KCNT2: variants seen among roughly 807,000 people sequenced by gnomAD.
KCNT2 encodes the protein potassium sodium-activated channel subfamily T member 2.
Under a neutral mutation model 153.8 loss-of-function variants are expected in KCNT2, and 67 were observed. The observed-to-expected ratio is 0.44, with a 90% CI of 0.36 to 0.53. The LOEUF is 0.53. KCNT2 is among the 20% of genes least tolerant of loss of function. The probability of loss-of-function intolerance (pLI) is 0.00; values close to 1 mark genes in which losing one functional copy is unlikely to be tolerated. For synonymous variants in KCNT2, 500 were observed against 458.8 expected (o/e 1.09, Z -1.15); for missense variants, 975 against 1,354.8 (o/e 0.72, Z 4.40).
chr1:196,420,934 A>G (rs912188420), intron 12 of KCNT2, among the ~76,000 whole-genome samples: 1 of 152,074 alleles, frequency 6.6e-6, no homozygotes, highest in Non-Finnish European at 1.5e-5. Flanking sequence ...AGGGGTTCAA[A>G]GAACCTACTT....
At chr1:196,546,062 A>G (rs1426464708) in intron 1 of KCNT2, among the ~76,000 whole-genome samples, 1 of 152,012 alleles carries the variant, frequency 6.6e-6, no homozygotes, top group Non-Finnish European at 1.5e-5. Flanking sequence ...CATATAGTAA[A>G]TCTATGTATA....
intron 1 of KCNT2, among the ~76,000 whole-genome samples, chr1:196,519,436 A>G (rs189980929): frequency 2.4e-4 from 37 of 152,300 alleles, no homozygotes; most frequent in Non-Finnish European, 4.3e-4. Context: ...GACAAGAAGT[A>G]ATCAAAATCA....
intron 14 of KCNT2, among the ~76,000 whole-genome samples, chr1:196,350,515 G>C (rs1023039072): frequency 2.0e-5 from 3 of 152,088 alleles, no homozygotes; most frequent in African/African-American, 7.2e-5. Flanking sequence ...CTTTTGAGAA[G>C]TGTCTGTTCA....
At chr1:196,482,928 T>C (rs1323962797) in intron 3 of KCNT2, among the ~76,000 whole-genome samples, 1 of 152,122 alleles carries the variant, frequency 6.6e-6, no homozygotes, top group Non-Finnish European at 1.5e-5. Flanking sequence ...AAAAATGATA[T>C]ATTTTCTGAT....
chr1:196,374,125 T>C (rs74136530), intron 13 of KCNT2, among the ~76,000 whole-genome samples: 3,077 of 151,932 alleles, frequency 0.02, 89 homozygotes, highest in African/African-American at 0.07. Context: ...TTTTCCCAAA[T>C]AAACAAGTAT....
At chr1:196,348,910 G>A (rs1211012626) in intron 14 of KCNT2, among the ~76,000 whole-genome samples, 1 of 152,038 alleles carries the variant, frequency 6.6e-6, no homozygotes, top group African/African-American at 2.4e-5. Context: ...GGGCGTGGTG[G>A]TGCATGCCTG....
intron 7 of KCNT2, among the ~76,000 whole-genome samples, 193 bp downstream of exon 7, chr1:196,467,510 T>G (rs1332204410): frequency 6.6e-6 from 1 of 152,052 alleles, no homozygotes; most frequent in Non-Finnish European, 1.5e-5. Flanking sequence ...AAAAGATGTT[T>G]AAAAATGAAA....
intron 13 of KCNT2, among the ~76,000 whole-genome samples, chr1:196,380,961 A>T (rs946292634): frequency 6.6e-6 from 1 of 152,230 alleles, no homozygotes; most frequent in Non-Finnish European, 1.5e-5. Context: ...GAGGCATTCA[A>T]CCACTAAATG....
At chr1:196,394,358 A>G (rs1024499343) in intron 13 of KCNT2, among the ~76,000 whole-genome samples, 3 of 151,610 alleles carry the variant, frequency 2.0e-5, no homozygotes, top group African/African-American at 7.3e-5. Flanking sequence ...AATGGCGTAG[A>G]CTAGGGTTGT....
At chr1:196,509,959 TTAGCGCTAG>T (rs2148793957) in intron 1 of KCNT2, among the ~76,000 whole-genome samples, 1 of 152,230 alleles carries the variant, frequency 6.6e-6, no homozygotes, top group African/African-American at 2.4e-5. Context: ...AATCAAATGT[TTAGCGCTAG>T]TAGGAATTTG....
chr1:196,432,212 G>C (rs571952251), intron 8 of KCNT2, among the ~76,000 whole-genome samples: 1 of 152,158 alleles, frequency 6.6e-6, no homozygotes, highest in Non-Finnish European at 1.5e-5. Context: ...TGCGCAAAGA[G>C]CACAAGCTGT....
chr1:196,268,612 C>T (rs571370266), intron 25 of KCNT2, among the ~76,000 whole-genome samples: 60 of 152,222 alleles, frequency 3.9e-4, no homozygotes, highest in Non-Finnish European at 5.6e-4. Context: ...CTTTCAAGAT[C>T]CAATGCAACC....
chr1:196,384,388 A>G (rs1365895534), intron 13 of KCNT2, among the ~76,000 whole-genome samples: 1 of 152,134 alleles, frequency 6.6e-6, no homozygotes, highest in Non-Finnish European at 1.5e-5. Flanking sequence ...CCAGACCAAA[A>G]AAACCCAGAG....
At chr1:196,404,160 T>C (rs1200451528) in intron 12 of KCNT2, 10 of 980,090 alleles carry the variant, frequency 1.0e-5, no homozygotes, top group Non-Finnish European at 1.2e-5. Context: ...TCAAATCTTG[T>C]TGATTATGCC....
chr1:196,284,248 A>ATATATATATAT (rs1553271464), intron 23 of KCNT2, among the ~76,000 whole-genome samples: 1 of 10,050 alleles, frequency 1.0e-4, no homozygotes, highest in African/African-American at 1.4e-4. Context: ...AAAAAAAAAA[A>ATATATATATAT]ATATATATAT....
intron 18 of KCNT2, among the ~76,000 whole-genome samples, chr1:196,330,771 T>C (rs889027494): frequency 2.0e-5 from 3 of 152,014 alleles, no homozygotes; most frequent in Non-Finnish European, 4.4e-5. Flanking sequence ...ATGGACTTAC[T>C]CTTCCCATCA....
At chr1:196,492,418 A>C in intron 1 of KCNT2, 77 bp from the exon 2 acceptor site, 1 of 1,050,434 alleles carries the variant, frequency 9.5e-7, no homozygotes, top group Non-Finnish European at 1.2e-6. Context: ...AACAAATATA[A>C]ATTGATCTGT....
rs1653659867 is a variant in KCNT2 at position 196,228,419 on chromosome 1, T to G, written c.3297-84A>C. On this transcript the variant is annotated intron_variant, in intron 27 of 27. Coordinates refer to ENST00000294725, the MANE Select transcript of KCNT2 (RefSeq NM_198503.5). ...CACACTGACACTTCATATTTCTAAT[T>G]TATTTGTTCAGTTTTCAGATTATCT... 4 of 724,654 alleles carry G rather than the reference T, an allele frequency of 5.5e-6. No individual in the cohort carries two copies. In the East Asian group the frequency reaches 8.3e-5, roughly 15 times the overall value. The allele number at this position is 724,654 out of a possible 1,614,324, so 44.9% of individuals were successfully genotyped here. A position where few individuals can be genotyped will look rare whatever the true frequency, so the allele number is the denominator to read the frequency against.
intron 1 of KCNT2, among the ~76,000 whole-genome samples, chr1:196,565,095 A>G (rs1376834548): frequency 6.6e-6 from 1 of 151,644 alleles, no homozygotes; most frequent in East Asian, 1.9e-4. Flanking sequence ...TACAAAATAA[A>G]TAGAAAAAAA....
Sources: allele counts gnomAD v4.1 joint callset (sites outside exome capture counted in the v4.1 genomes callset), GRCh38; gene constraint gnomAD v4.1.1; transcripts MANE v1.5; gene names NCBI Gene and HGNC (gene_info 2026-07-23, HGNC 2026-07-21).